The following CCNB1 variants were observed in gnomAD, a reference collection of about 807,000 sequenced individuals.
CCNB1 encodes cyclin B1, also known as G2/mitotic-specific cyclin-B1.
Under a neutral mutation model 44.4 loss-of-function variants are expected in CCNB1, and 26 were observed. The ratio of observed to expected loss-of-function variants is 0.59; its 90% confidence interval spans 0.43 to 0.81. The LOEUF (loss-of-function observed/expected upper bound fraction) is 0.81. Among genes scored for constraint, CCNB1 ranks in the 40% least tolerant of loss-of-function variants. The probability of loss-of-function intolerance (pLI) is 0.00; values close to 1 mark genes in which losing one functional copy is unlikely to be tolerated. For missense variants in CCNB1, 477 were observed against 520.9 expected, an observed-to-expected ratio of 0.92 and a Z score of 0.82; for synonymous variants, 195 against 181.4, an observed-to-expected ratio of 1.08 and a Z score of -0.60.
chr5:69,177,541 T>C lies in CCNB1; in HGVS notation c.1212T>C (p.Tyr404=), dbSNP rs1747624004. Residue 404 remains tyrosine, a synonymous_variant, in exon 9 of 9, where the codon TAT becomes TAC. Coordinates refer to ENST00000256442, the MANE Select transcript of CCNB1 (RefSeq NM_031966.4). ...LTKHMTVKNK[Y]ATSKHAKIST... ...TCTTCCAGACTGTCAAGAACAAGTATGCCACATCGAAGCATGCTAAGATCA... is the reference window on the plus strand; with the variant it reads ...TCTTCCAGACTGTCAAGAACAAGTACGCCACATCGAAGCATGCTAAGATCA... 6.2e-7 allele frequency: 1 copy of C among 1,612,032 alleles called. No homozygotes were observed. The highest frequency in any genetic ancestry group is 1.3e-5 in the African/African-American group (1 of 74,902).
intron 7 of CCNB1, among the ~76,000 whole-genome samples, chr5:69,175,778 A>T (rs1466148294): frequency 2.6e-5 from 4 of 151,832 alleles, no homozygotes; most frequent in Non-Finnish European, 4.4e-5. Context: ...CAGCCTCCAG[A>T]GTAGCTGGGA....
intron 7 of CCNB1, 73 bp downstream of exon 7, chr5:69,175,610 A>G: frequency 7.0e-7 from 1 of 1,419,168 alleles, no homozygotes; most frequent in South Asian, 1.3e-5. Flanking sequence ...TTTTGTTATT[A>G]AAAGGCAATT....
At position 69,167,899 on chromosome 5, in the gene CCNB1, T is replaced by C. The variant is rs1363073689; in HGVS notation, c.22-9T>C. The C allele has an allele frequency of 6.2e-7, 1 of 1,606,324 alleles. No homozygotes were observed. The highest frequency in any genetic ancestry group is 8.5e-7 in the Non-Finnish European group (1 of 1,176,992). ...GGATCAGCTCTTAAAGTGGTCTTGC[T>C]TCTTTCAGAACTCGAAAATTAATGC... On this transcript the variant is annotated splice_polypyrimidine_tract_variant and intron_variant, in intron 1 of 8. Coordinates refer to ENST00000256442, the MANE Select transcript of CCNB1 (RefSeq NM_031966.4).
rs1297947852 is a variant in CCNB1, at chr5:69,176,542, A to AT, written c.1084-688dup. The stretch of plus-strand genomic sequence containing the variant: ...CGGCTAATTTTATATATATATATAT[A>AT]TTTTTTTTTAGTAGAGATGGGGTTT... On this transcript the variant is annotated intron_variant, in intron 7 of 8. Transcript: ENST00000256442. 6.8e-4 allele frequency among the ~76,000 whole-genome samples: 100 copies of AT among 146,232 alleles called. 1 individual carries two copies. Among genetic ancestry groups the AT allele is most frequent in the African/African-American group, 1.5e-3 (60 of 40,126 alleles).
At chr5:69,174,733 G>T (rs1318526891) in intron 5 of CCNB1, 144 bp from the exon 6 acceptor site, 5 of 745,924 alleles carry the variant, frequency 6.7e-6, no homozygotes, top group South Asian at 3.5e-5. Context: ...GAAATAAACT[G>T]ACTTTTTCAA....
chr5:69,171,868 G>A (rs1747466832), intron 4 of CCNB1, among the ~76,000 whole-genome samples: 1 of 152,190 alleles, frequency 6.6e-6, no homozygotes, highest in African/African-American at 2.4e-5. Flanking sequence ...TAGTGTGGCT[G>A]ATGTGCATCC....
chr5:69,177,527 G>A lies in CCNB1; in HGVS notation c.1198G>A (p.Val400Ile), dbSNP rs769965059. 2.5e-6 allele frequency: 4 copies of A among 1,606,720 alleles called. No homozygotes were observed. In the East Asian group the frequency reaches 6.7e-5, roughly 27 times the overall value. Residue 400 changes from valine to isoleucine, a missense_variant, in exon 9 of 9, where the codon GTC (valine) becomes ATC (isoleucine). Coordinates refer to ENST00000256442, the MANE Select transcript of CCNB1 (RefSeq NM_031966.4). ...TTGCTATCTTTTTGTCTTCCAGACT[G>A]TCAAGAACAAGTATGCCACATCGAA... ...VNQGLTKHMT[V>I]KNKYATSKHA...
At chr5:69,173,459 T>A (rs1480342141) in intron 4 of CCNB1, among the ~76,000 whole-genome samples, 1 of 152,182 alleles carries the variant, frequency 6.6e-6, no homozygotes, top group Non-Finnish European at 1.5e-5. Flanking sequence ...AGAAGTCACA[T>A]TGAATTAGTA....
In CCNB1 at chr5:69,171,457, G is replaced by C; in HGVS notation, c.546+5G>C. On this transcript the variant is annotated splice_donor_5th_base_variant and intron_variant, in intron 4 of 8. Transcript: ENST00000256442. ...GCTTATCTGAGACAACTTGAGGTAA[G>C]TATTATCATTCGTTTTTTTTCTAAA... is the stretch of plus-strand genomic sequence containing the variant. The C allele has an allele frequency of 6.4e-7, 1 of 1,574,536 alleles. No homozygotes were observed. Among genetic ancestry groups the C allele is most frequent in the Non-Finnish European group, 8.6e-7 (1 of 1,161,672 alleles).
Position 69,168,490 on chromosome 5 carries a change from A to G in CCNB1, c.363+147A>G, listed in dbSNP as rs1026982383. 9 of 860,570 alleles carry G rather than the reference A, an allele frequency of 1.0e-5. No individual in the cohort carries two copies. The African/African-American group carries it at 1.2e-4, about 11-fold the overall frequency. The allele number at this position is 860,570 out of a possible 1,614,324, so 53.3% of individuals were successfully genotyped here. Reference sequence around the variant, plus strand: ...AGGCAAGCTCTGCCTAACATTTTACATGCATTAACTCACATAATCTTTACA... The same window carrying G: ...AGGCAAGCTCTGCCTAACATTTTACGTGCATTAACTCACATAATCTTTACA... On this transcript the variant is annotated intron_variant, in intron 3 of 8. Transcript: ENST00000256442.
At chr5:69,176,997 C>T in intron 7 of CCNB1, 1 of 328,162 alleles carries the variant, frequency 3.0e-6, no homozygotes, top group Non-Finnish European at 5.6e-6. Context: ...CAAAGTTGGC[C>T]TCAAGGAAGT....
chr5:69,168,471 G>A lies in CCNB1; in HGVS notation c.363+128G>A, dbSNP rs895833386. 5 of 1,075,936 alleles carry A rather than the reference G, an allele frequency of 4.6e-6. No homozygotes were observed. The African/African-American group carries it at 6.3e-5, about 14-fold the overall frequency. The allele number at this position is 1,075,936 out of a possible 1,614,324, so 66.6% of individuals were successfully genotyped here. On this transcript the variant is annotated intron_variant, in intron 3 of 8. Coordinates refer to ENST00000256442, the MANE Select transcript of CCNB1 (RefSeq NM_031966.4). ...TTATTGAGTGCTTAGCATGAGGCAA[G>A]CTCTGCCTAACATTTTACATGCATT...
In CCNB1 at chr5:69,174,488, G is replaced by A. The variant is rs1393498444; in HGVS notation, c.705+79G>A. The A allele has an allele frequency of 4.4e-6, 6 of 1,375,992 alleles. No homozygotes were observed. In the African/African-American group the frequency reaches 8.6e-5, roughly 20 times the overall value. 85.2% of individuals were successfully genotyped at this position (1,375,992 alleles called of 1,614,324 possible). A position where few individuals can be genotyped will look rare whatever the true frequency, so the allele number is the denominator to read the frequency against. On this transcript the variant is annotated intron_variant, in intron 5 of 8. Coordinates refer to ENST00000256442, the MANE Select transcript of CCNB1 (RefSeq NM_031966.4). ...AACTGATGTTTTCAGGCCAGTCTGG[G>A]CGCAGTGGCTCATGCCTGTAATCCC...
At position 69,175,660 on chromosome 5, in the gene CCNB1, T is replaced by C. The variant is rs1747568648; in HGVS notation, c.1083+123T>C. 3.3e-6 allele frequency: 3 copies of C among 906,734 alleles called. No individual in the cohort carries two copies. The African/African-American group carries it at 5.0e-5, about 15-fold the overall frequency. The allele number at this position is 906,734 out of a possible 1,614,324, so 56.2% of individuals were successfully genotyped here. ...ATATGGGATCTACTGAAGGAATAGT[T>C]AAAAAAGATGTCTTAGAATGTTTCC... On this transcript the variant is annotated intron_variant, in intron 7 of 8. Coordinates refer to ENST00000256442, the MANE Select transcript of CCNB1 (RefSeq NM_031966.4).
At chr5:69,172,351 G>C (rs544620938) in intron 4 of CCNB1, among the ~76,000 whole-genome samples, 3 of 152,104 alleles carry the variant, frequency 2.0e-5, no homozygotes, top group South Asian at 4.2e-4. Context: ...CCTCCGCCTC[G>C]GGTCAAGTGA....
At chr5:69,174,160 A>T in intron 4 of CCNB1, 91 bp from the exon 5 acceptor site, 1 of 1,035,948 alleles carries the variant, frequency 9.7e-7, no homozygotes, top group Non-Finnish European at 1.4e-6. Flanking sequence ...TAAATGCCCC[A>T]GTGCTACTGT....
At chr5:69,168,717 A>G (rs163444) in intron 3 of CCNB1, among the ~76,000 whole-genome samples, 91,600 of 152,042 alleles carry the variant, frequency 0.6, 28,241 homozygotes, top group African/African-American at 0.74. Context: ...AGGCTTTGTT[A>G]TCCAACTACA....
At chr5:69,168,615 T>G (rs1009142159) in intron 3 of CCNB1, among the ~76,000 whole-genome samples, 2 of 152,204 alleles carry the variant, frequency 1.3e-5, no homozygotes, top group Non-Finnish European at 2.9e-5. Flanking sequence ...GGATTCAAGC[T>G]CAGGCTGTCT....
At position 69,171,467 on chromosome 5, in the gene CCNB1, T is replaced by C; in HGVS notation, c.546+15T>C. On this transcript the variant is annotated intron_variant, in intron 4 of 8. Coordinates refer to ENST00000256442, the MANE Select transcript of CCNB1 (RefSeq NM_031966.4). Reference sequence around the variant, plus strand: ...GACAACTTGAGGTAAGTATTATCATTCGTTTTTTTTCTAAACTGCATCTAA... The same window carrying C: ...GACAACTTGAGGTAAGTATTATCATCCGTTTTTTTTCTAAACTGCATCTAA... 6.4e-7 allele frequency: 1 copy of C among 1,555,008 alleles called. No homozygotes were observed. The highest frequency in any genetic ancestry group is 8.7e-7 in the Non-Finnish European group (1 of 1,146,814).
Sources: gnomAD v4.1 joint callset for allele counts (sites outside exome capture counted in the v4.1 genomes callset) on GRCh38, gnomAD v4.1.1 for gene constraint, MANE v1.5 for transcripts, NCBI Gene and HGNC (gene_info 2026-07-23, HGNC 2026-07-21) for gene names.